NF1: variants seen among roughly 807,000 people sequenced by gnomAD.
NF1 encodes neurofibromin 1, also known as neurofibromin.
NF1 carries 122 observed loss-of-function variants against 325.7 expected under a neutral mutation model. The observed-to-expected ratio is 0.37, with a 90% CI of 0.32 to 0.44. NF1 has a LOEUF of 0.44. Ranked by LOEUF, NF1 falls within the 20% of genes least tolerant of loss-of-function variation. The pLI is 1.00. For synonymous variants in NF1, 1,091 were observed against 1,186.0 expected, an observed-to-expected ratio of 0.92 and a Z score of 1.65; for missense variants, 2,140 against 3,415.4, an observed-to-expected ratio of 0.63 and a Z score of 9.31.
At position 31,334,886 on chromosome 17, in the gene NF1, C is replaced by T. The variant is rs2069602711; in HGVS notation, c.5861C>T (p.Ser1954Leu). 1 of 1,613,836 alleles carries T rather than the reference C, an allele frequency of 6.2e-7. No individual in the cohort carries two copies. Among genetic ancestry groups the T allele is most frequent in the Non-Finnish European group, 8.5e-7 (1 of 1,179,960 alleles). The change falls in exon 40 of 58, where the codon TCA becomes TTA. Residue 1954 changes from serine to leucine, a missense_variant. Around this residue, in one of 10 missense-constraint regions of NF1, gnomAD observed 180 missense variants for 435.1 expected, o/e 0.41. Coordinates refer to ENST00000358273, the MANE Select transcript of NF1 (RefSeq NM_001042492.3). ...TTGGAATACATGACTCCATGGCTGTCAAATCTAGTTCGTTTTTGCAAGCAT... is the reference window on the plus strand; with the variant it reads ...TTGGAATACATGACTCCATGGCTGTTAAATCTAGTTCGTTTTTGCAAGCAT... ...LCLEYMTPWL[S>L]NLVRFCKHND...
intron 15 of NF1, among the ~76,000 whole-genome samples, 180 bp from the exon 16 acceptor site, chr17:31,223,244 TTTTTTCTATAACCTGTAGAC>T (rs1481651064): frequency 6.6e-6 from 1 of 152,196 alleles, no homozygotes; most frequent in Non-Finnish European, 1.5e-5. Context: ...AATACTTGCT[TTTTTTCTATAACCTGTAGAC>T]TTATTTCCTT....
chr17:31,115,090 A>C (rs1913781654), intron 1 of NF1, among the ~76,000 whole-genome samples: 1 of 152,108 alleles, frequency 6.6e-6, no homozygotes, highest in Non-Finnish European at 1.5e-5. Context: ...CCCTTCTTTG[A>C]CTGTTGATGT....
At chr17:31,280,099 A>G (rs2068087441) in intron 36 of NF1, among the ~76,000 whole-genome samples, 2 of 152,028 alleles carry the variant, frequency 1.3e-5, no homozygotes, top group South Asian at 4.2e-4. Context: ...CATGCTACCA[A>G]CTTATTTGGT....
chr17:31,363,735 A>ATT lies in NF1; in HGVS notation c.8377+3045_8377+3046dup, dbSNP rs1289252413. Among the ~76,000 whole-genome samples the ATT allele has an allele frequency of 2.8e-4, 37 of 133,382 alleles. No individual in the cohort carries two copies. In the South Asian group the frequency reaches 8.1e-3, roughly 29 times the overall value. The allele number at this position is 133,382 out of a possible 152,430, so 87.5% of individuals were successfully genotyped here. ...ACAGGCGTGAGCCACTGCGCCCAGCATTTTTTTTTTTTTTCCCCCTTTGGA... is the reference window on the plus strand; with the variant it reads ...ACAGGCGTGAGCCACTGCGCCCAGCATTTTTTTTTTTTTTTTCCCCCTTTGGA... On this transcript the variant is annotated intron_variant, in intron 57 of 57. Transcript: ENST00000358273.
chr17:31,145,188 G>C (rs964785157), intron 1 of NF1, among the ~76,000 whole-genome samples: 2 of 152,038 alleles, frequency 1.3e-5, no homozygotes, highest in African/African-American at 4.8e-5. Flanking sequence ...GGGTCTTCCC[G>C]TTCTCATTCA....
intron 4 of NF1, among the ~76,000 whole-genome samples, chr17:31,167,846 G>A (rs1375941075): frequency 6.6e-6 from 1 of 152,086 alleles, no homozygotes; most frequent in Non-Finnish European, 1.5e-5. Context: ...TTCAACATAG[G>A]AGAAGCTGGG....
intron 21 of NF1, 100 bp downstream of exon 21, chr17:31,229,565 T>G: frequency 7.0e-7 from 1 of 1,431,378 alleles, no homozygotes. Flanking sequence ...TACTCACAGT[T>G]TTTAAAAATT....
Position 31,235,722 on chromosome 17 carries a change from C to CT in NF1, c.3821dup (p.Phe1275LeufsTer9), listed in dbSNP as rs786203614. The CT allele has an allele frequency of 6.2e-7, 1 of 1,614,154 alleles. No individual in the cohort carries two copies. On this transcript the variant is annotated frameshift_variant, in exon 28 of 58. Coordinates refer to ENST00000358273, the MANE Select transcript of NF1 (RefSeq NM_001042492.3). LOFTEE classifies it high-confidence loss of function. ...AGAATTGGCAGACTCCATGCAGACT[C>CT]TCTTCCGAGGCAACAGCTTGGCCAG...
chr17:31,346,969 T>A (rs924198853), intron 48 of NF1, among the ~76,000 whole-genome samples: 2 of 151,760 alleles, frequency 1.3e-5, no homozygotes, highest in African/African-American at 4.8e-5. Context: ...ATGAAGAGGA[T>A]CTTATTAAAC....
At chr17:31,168,368 G>T (rs2065878300) in intron 4 of NF1, among the ~76,000 whole-genome samples, 1 of 152,046 alleles carries the variant, frequency 6.6e-6, no homozygotes, top group Non-Finnish European at 1.5e-5. Flanking sequence ...TACCTATCAA[G>T]AATCATAATT....
At chr17:31,191,972 T>A (rs2066349844) in intron 8 of NF1, among the ~76,000 whole-genome samples, 1 of 152,228 alleles carries the variant, frequency 6.6e-6, no homozygotes, top group African/African-American at 2.4e-5. Context: ...CAGTTCCTTA[T>A]GAATTCGCGG....
chr17:31,234,181 T>G (rs1950692080), intron 27 of NF1, among the ~76,000 whole-genome samples: 1 of 152,224 alleles, frequency 6.6e-6, no homozygotes, highest in Admixed American at 6.5e-5. Flanking sequence ...GTAGGCACAA[T>G]GCTGCACAGC....
chr17:31,201,772 A>C (rs1308751629), intron 11 of NF1, among the ~76,000 whole-genome samples: 1 of 152,214 alleles, frequency 6.6e-6, no homozygotes, highest in East Asian at 1.9e-4. Context: ...CCTTGAGAAA[A>C]ATGTCACTGA....
intron 57 of NF1, among the ~76,000 whole-genome samples, chr17:31,368,391 G>C (rs1033286613): frequency 6.6e-6 from 1 of 152,004 alleles, no homozygotes; most frequent in African/African-American, 2.4e-5. Flanking sequence ...TGCCTGCCTT[G>C]GCCTCCCAAA....
At chr17:31,341,198 A>C (rs1307411295) in intron 47 of NF1, among the ~76,000 whole-genome samples, 1 of 152,134 alleles carries the variant, frequency 6.6e-6, no homozygotes, top group Non-Finnish European at 1.5e-5. Flanking sequence ...TAATTTTACT[A>C]GTTTTTTTAT....
chr17:31,310,120 A>G (rs2068829565), intron 36 of NF1, among the ~76,000 whole-genome samples: 1 of 152,204 alleles, frequency 6.6e-6, no homozygotes, highest in Non-Finnish European at 1.5e-5. Context: ...TTTAGCATAC[A>G]CATTTTAAAA....
chr17:31,225,319 A>G, intron 17 of NF1, 69 bp downstream of exon 17: 1 of 1,542,058 alleles, frequency 6.5e-7, no homozygotes, highest in Non-Finnish European at 9.0e-7. Flanking sequence ...GAAATTTGGT[A>G]AATTTCATCT....
chr17:31,276,234 G>A (rs910689756), intron 36 of NF1, among the ~76,000 whole-genome samples: 21 of 145,866 alleles, frequency 1.4e-4, no homozygotes, highest in African/African-American at 5.1e-4. Context: ...AAAAAAAAAG[G>A]GGCACAATAA....
intron 1 of NF1, among the ~76,000 whole-genome samples, chr17:31,120,590 C>G (rs903128349): frequency 6.6e-6 from 1 of 151,972 alleles, no homozygotes; most frequent in South Asian, 2.1e-4. Context: ...ATTCAAATAC[C>G]CTTTATTTTT....
Sources: allele counts gnomAD v4.1 joint callset (sites outside exome capture counted in the v4.1 genomes callset), GRCh38; gene constraint gnomAD v4.1.1; regional missense constraint gnomAD v4.1.1; transcripts MANE v1.5; gene names NCBI Gene and HGNC (gene_info 2026-07-23, HGNC 2026-07-21).